The following EBF1 variants were observed in gnomAD, a reference collection of about 807,000 sequenced individuals.
EBF1 encodes transcription factor COE1.
In EBF1, 10 loss-of-function variants were observed where a neutral mutation model predicts 68.4. That is an observed-to-expected ratio of 0.15 (90% CI 0.09 to 0.25). The LOEUF is 0.25. Among genes scored for constraint, EBF1 ranks in the 10% least tolerant of loss-of-function variants. EBF1 has a pLI of 1.00. For synonymous variants in EBF1, 298 were observed against 299.8 expected (o/e 0.99, Z 0.06); for missense variants, 509 against 794.4 (o/e 0.64, Z 4.32).
At chr5:158,735,665 T>G (rs1765021211) in intron 10 of EBF1, among the ~76,000 whole-genome samples, 1 of 152,202 alleles carries the variant, frequency 6.6e-6, no homozygotes, top group African/African-American at 2.4e-5. Flanking sequence ...CCATTTGAAC[T>G]GTATCAACAT....
At chr5:158,780,145 G>T (rs977123699) in intron 9 of EBF1, among the ~76,000 whole-genome samples, 1 of 152,174 alleles carries the variant, frequency 6.6e-6, no homozygotes, top group African/African-American at 2.4e-5. Flanking sequence ...ATCACTCAAA[G>T]AACTGTAGAA....
chr5:158,790,394 C>T (rs1200586734), intron 9 of EBF1, among the ~76,000 whole-genome samples: 1 of 152,180 alleles, frequency 6.6e-6, no homozygotes, highest in East Asian at 1.9e-4. Context: ...ACATCTATCC[C>T]AGTCCAACCA....
intron 6 of EBF1, among the ~76,000 whole-genome samples, chr5:158,900,348 T>A (rs950347207): frequency 2.0e-5 from 3 of 152,190 alleles, no homozygotes; most frequent in Non-Finnish European, 4.4e-5. Context: ...CCTCTATCAC[T>A]TTTTACTACT....
At chr5:158,845,063 A>T (rs1791181979) in intron 6 of EBF1, among the ~76,000 whole-genome samples, 1 of 152,216 alleles carries the variant, frequency 6.6e-6, no homozygotes, top group Non-Finnish European at 1.5e-5. Context: ...AGGATATAAA[A>T]TTTTTAAAAA....
chr5:158,981,000 A>C (rs998177899), intron 6 of EBF1, among the ~76,000 whole-genome samples: 1 of 152,242 alleles, frequency 6.6e-6, no homozygotes. Flanking sequence ...AAAAGTTTAC[A>C]AAAACCAAGC....
At chr5:158,927,206 T>G (rs1030043943) in intron 6 of EBF1, among the ~76,000 whole-genome samples, 2 of 152,240 alleles carry the variant, frequency 1.3e-5, no homozygotes, top group African/African-American at 4.8e-5. Context: ...ATCGTGAGCA[T>G]TGAATGTGAT....
intron 7 of EBF1, among the ~76,000 whole-genome samples, chr5:158,833,297 CAAAA>C (rs56221213): frequency 2.2e-5 from 3 of 135,378 alleles, no homozygotes; most frequent in Admixed American, 7.4e-5. Flanking sequence ...GACTCCATCT[CAAAA>C]AAAAAAAAAA....
intron 6 of EBF1, among the ~76,000 whole-genome samples, chr5:159,006,163 C>T (rs974425138): frequency 6.6e-6 from 1 of 152,174 alleles, no homozygotes; most frequent in Non-Finnish European, 1.5e-5. Flanking sequence ...CGCAGACCTT[C>T]AGAGAGGGGT....
At chr5:158,935,523 A>AGTG (rs1295500446) in intron 6 of EBF1, among the ~76,000 whole-genome samples, 1 of 152,238 alleles carries the variant, frequency 6.6e-6, no homozygotes, top group Admixed American at 6.5e-5. Context: ...ACGCGTGCAC[A>AGTG]CACAGATACA....
chr5:158,968,219 A>T (rs1222552448), intron 6 of EBF1, among the ~76,000 whole-genome samples: 1 of 152,208 alleles, frequency 6.6e-6, no homozygotes, highest in Non-Finnish European at 1.5e-5. Flanking sequence ...TGAACTAATG[A>T]TCCTATTTCT....
chr5:158,756,575 A>T (rs1770148143), intron 10 of EBF1, among the ~76,000 whole-genome samples: 1 of 151,940 alleles, frequency 6.6e-6, no homozygotes, highest in African/African-American at 2.4e-5. Context: ...TTATTCCTTC[A>T]TCAATCCACT....
At chr5:159,075,766 A>G (rs1335462632) in intron 5 of EBF1, among the ~76,000 whole-genome samples, 1 of 152,158 alleles carries the variant, frequency 6.6e-6, no homozygotes, top group Non-Finnish European at 1.5e-5. Context: ...ATGACATGAC[A>G]TGATACCAGA....
At chr5:158,969,715 C>A (rs532487544) in intron 6 of EBF1, among the ~76,000 whole-genome samples, 27 of 150,904 alleles carry the variant, frequency 1.8e-4, no homozygotes, top group Non-Finnish European at 3.4e-4. Context: ...GTTAAGCCTG[C>A]AGTGAGCTGT....
At chr5:159,000,932 G>A (rs900476494) in intron 6 of EBF1, among the ~76,000 whole-genome samples, 3 of 152,128 alleles carry the variant, frequency 2.0e-5, no homozygotes, top group African/African-American at 7.2e-5. Context: ...TGAGAAACTT[G>A]TTAAGTTTTG....
intron 14 of EBF1, among the ~76,000 whole-genome samples, chr5:158,710,313 GTGTCTGCA>G (rs1451215885): frequency 6.6e-6 from 1 of 152,204 alleles, no homozygotes; most frequent in Non-Finnish European, 1.5e-5. Flanking sequence ...AAGCGGCTGA[GTGTCTGCA>G]CAGGCTTGGG....
chr5:158,973,647 G>C (rs1756117389), intron 6 of EBF1, among the ~76,000 whole-genome samples: 1 of 152,136 alleles, frequency 6.6e-6, no homozygotes, highest in Non-Finnish European at 1.5e-5. Flanking sequence ...AGTTCCATGG[G>C]AGCAGGACCC....
intron 6 of EBF1, among the ~76,000 whole-genome samples, chr5:158,936,761 T>C (rs1812104090): frequency 6.6e-6 from 1 of 152,154 alleles, no homozygotes; most frequent in Non-Finnish European, 1.5e-5. Context: ...CCTGTAACCT[T>C]AATCTTGTTG....
intron 11 of EBF1, among the ~76,000 whole-genome samples, chr5:158,730,163 G>A (rs1285310230): frequency 6.6e-6 from 1 of 152,226 alleles, no homozygotes; most frequent in Non-Finnish European, 1.5e-5. Flanking sequence ...TTTCACTTGT[G>A]TAATAAATGA....
At chr5:158,818,582 A>G (rs1006120848) in intron 8 of EBF1, among the ~76,000 whole-genome samples, 2 of 152,224 alleles carry the variant, frequency 1.3e-5, no homozygotes, top group Admixed American at 6.5e-5. Context: ...TGAGTCTATC[A>G]TCAGTATTTA....
Sources: allele counts gnomAD v4.1 joint callset (sites outside exome capture counted in the v4.1 genomes callset), GRCh38; gene constraint gnomAD v4.1.1; transcripts MANE v1.5; gene names NCBI Gene and HGNC (gene_info 2026-07-23, HGNC 2026-07-21).